The following UBTF variants were observed in gnomAD, a reference collection of about 807,000 sequenced individuals.
UBTF encodes upstream binding transcription factor.
In UBTF, 8 loss-of-function variants were observed where a neutral mutation model predicts 112.3. That is an observed-to-expected ratio of 0.07 (90% CI 0.04 to 0.13). The LOEUF is 0.13. Ranked by LOEUF, UBTF falls within the 10% of genes least tolerant of loss-of-function variation. The probability of loss-of-function intolerance (pLI) is 1.00; values close to 1 mark genes in which losing one functional copy is unlikely to be tolerated. For missense variants in UBTF, 457 were observed against 982.1 expected (o/e 0.47, Z 7.15); for synonymous variants, 417 against 373.1 (o/e 1.12, Z -1.36).
At chr17:44,217,190 A>G (rs150749143) in intron 2 of UBTF, among the ~76,000 whole-genome samples, 1 of 152,220 alleles carries the variant, frequency 6.6e-6, no homozygotes, top group Non-Finnish European at 1.5e-5. Context: ...AGGAAAATCC[A>G]TGCAGATGTC....
In UBTF at chr17:44,216,849, T is replaced by C. The variant is rs1598264482; in HGVS notation, c.59-145A>G. On this transcript the variant is annotated intron_variant, in intron 2 of 20. Coordinates refer to ENST00000436088, the MANE Select transcript of UBTF (RefSeq NM_014233.4). The stretch of plus-strand genomic sequence containing the variant: ...TCTGAAGGCACAGACAAGATATGGC[T>C]CAGCCCTAAGGAAACTGTGGCCATA... The C allele has an allele frequency of 1.2e-5, 9 of 759,932 alleles. No homozygotes were observed. The East Asian group carries it at 2.3e-4, about 19-fold the overall frequency. The allele number at this position is 759,932 out of a possible 1,614,324, so 47.1% of individuals were successfully genotyped here.
intron 17 of UBTF, 195 bp downstream of exon 17, chr17:44,209,157 A>C: frequency 1.1e-5 from 6 of 533,974 alleles, no homozygotes; most frequent in East Asian, 3.5e-5. Flanking sequence ...CAGGAGAGCA[A>C]GACTGTCTCA....
At chr17:44,209,891 G>A (rs1332875910) in intron 15 of UBTF, among the ~76,000 whole-genome samples, 158 bp from the exon 16 acceptor site, 1 of 152,210 alleles carries the variant, frequency 6.6e-6, no homozygotes, top group Non-Finnish European at 1.5e-5. Flanking sequence ...GCTCACGTCT[G>A]AGGCAGGCAC....
In UBTF at chr17:44,211,793, G is replaced by T. The variant is rs763039429; in HGVS notation, c.906-46C>A. On this transcript the variant is annotated intron_variant, in intron 9 of 20. Transcript: ENST00000436088. The surrounding 1 kb of genome is among the most constrained non-coding windows in gnomAD (Gnocchi z 4.9). ...GAGGTGCAGCCCGTAAGCGAGCAGG[G>T]CAGCAGGCCTTCTCACCTGCAGAGC... The T allele has an allele frequency of 2.0e-4, 312 of 1,599,890 alleles. No individual in the cohort carries two copies. The highest frequency in any genetic ancestry group is 2.6e-4 in the Non-Finnish European group (305 of 1,174,742).
rs772852316 is a variant in UBTF, at chr17:44,209,625, A to G, written c.1715+20T>C. ...TGACCCTCCCCGACCTCCAGGGCAG[A>G]CTCCAACCCCCAGGCTCACATGGGA... is the stretch of plus-strand genomic sequence containing the variant. On this transcript the variant is annotated intron_variant, in intron 16 of 20. Coordinates refer to ENST00000436088, the MANE Select transcript of UBTF (RefSeq NM_014233.4). 6.2e-7 allele frequency: 1 copy of G among 1,613,942 alleles called. No individual in the cohort carries two copies. Among genetic ancestry groups the G allele is most frequent in the South Asian group, 1.1e-5 (1 of 91,080 alleles).
chr17:44,212,570 T>A lies in UBTF; in HGVS notation c.661-116A>T, dbSNP rs929509056. Reference sequence around the variant, plus strand: ...CAGGCCATGGGAGGTCACATCAGTGTCCCCCACAGGCCAGGAGGGGAAGGC... The same window carrying A: ...CAGGCCATGGGAGGTCACATCAGTGACCCCCACAGGCCAGGAGGGGAAGGC... On this transcript the variant is annotated intron_variant, in intron 7 of 20. Coordinates refer to ENST00000436088, the MANE Select transcript of UBTF (RefSeq NM_014233.4). The A allele has an allele frequency of 1.8e-5, 19 of 1,031,682 alleles. No homozygotes were observed. The Admixed American group carries it at 4.7e-4, about 25-fold the overall frequency. The allele number at this position is 1,031,682 out of a possible 1,614,324, so 63.9% of individuals were successfully genotyped here. A position where few individuals can be genotyped will look rare whatever the true frequency, so the allele number is the denominator to read the frequency against.
chr17:44,217,452 A>G (rs1319567529), intron 2 of UBTF, among the ~76,000 whole-genome samples: 1 of 152,126 alleles, frequency 6.6e-6, no homozygotes, highest in Non-Finnish European at 1.5e-5. Flanking sequence ...TGGAACAGTT[A>G]TTTTTCAGCC....
chr17:44,206,492 CAT>C lies in UBTF; in HGVS notation c.*748_*749del, dbSNP rs1484506479. The C allele has an allele frequency of 6.6e-6, 1 of 151,574 alleles. No individual in the cohort carries two copies. The highest frequency in any genetic ancestry group is 2.4e-5 in the African/African-American group (1 of 40,896). The allele number at this position is 151,574 out of a possible 1,614,324, so 9.4% of individuals were successfully genotyped here. On this transcript the variant is annotated 3_prime_UTR_variant, in exon 21 of 21. Transcript: ENST00000436088. ...TGCTATGTACAGGAACACACATACA[CAT>C]ACTCTCTTCCACATACATCAAGACC... is the stretch of plus-strand genomic sequence containing the variant.
chr17:44,208,092 AT>A lies in UBTF; in HGVS notation c.1906-182del, dbSNP rs57107684. Among the ~76,000 whole-genome samples the A allele has an allele frequency of 0.021, 2,454 of 117,482 alleles. 22 individuals are homozygous for A. The highest frequency in any genetic ancestry group is 0.069 in the African/African-American group (2,063 of 30,044). The allele number at this position is 117,482 out of a possible 152,430, so 77.1% of individuals were successfully genotyped here. A position where few individuals can be genotyped will look rare whatever the true frequency, so the allele number is the denominator to read the frequency against. On this transcript the variant is annotated intron_variant, in intron 17 of 20. Coordinates refer to ENST00000436088, the MANE Select transcript of UBTF (RefSeq NM_014233.4). Reference sequence around the variant, plus strand: ...CCTGGGATCTGAGAACACAGCTCTAATTTTTTTTTTTTTTTTTTTTTTTTTT... The same window carrying A: ...CCTGGGATCTGAGAACACAGCTCTAATTTTTTTTTTTTTTTTTTTTTTTTT...
Position 44,209,516 on chromosome 17 carries a change from C to G in UBTF, c.1741G>C (p.Glu581Gln). The G allele has an allele frequency of 6.2e-7, 1 of 1,612,164 alleles. No individual in the cohort carries two copies. The highest frequency in any genetic ancestry group is 8.5e-7 in the Non-Finnish European group (1 of 1,178,382). ...PMNGYQKFSQ[E>Q]LLSNGELNHL... Reference sequence around the variant, plus strand: ...TTCAGCTCCCCATTGGACAGCAGCTCCTGGGAGAACTTCTGGTAACCGTTC... The same window carrying G: ...TTCAGCTCCCCATTGGACAGCAGCTGCTGGGAGAACTTCTGGTAACCGTTC... Residue 581 changes from glutamate (E) to glutamine (Q), a missense_variant, in exon 17 of 21, where the codon GAG (glutamate) becomes CAG (glutamine). By Grantham distance (29) the Glu-to-Gln change is conservative (BLOSUM62 2). Coordinates refer to ENST00000436088, the MANE Select transcript of UBTF (RefSeq NM_014233.4).
chr17:44,207,422 C>G, intron 20 of UBTF, 32 bp downstream of exon 20: 1 of 1,612,070 alleles, frequency 6.2e-7, no homozygotes, highest in Non-Finnish European at 8.5e-7. Context: ...GCAGGACTCC[C>G]CTCCCCTCCC....
upstream of UBTF, chr17:44,221,098 ATTTTT>A (rs5820527): frequency 1.3e-5 from 2 of 148,908 alleles, no homozygotes; most frequent in African/African-American, 2.4e-5. Flanking sequence ...CACAAAAAAA[ATTTTT>A]TTTTTTTAAA....
At chr17:44,216,111 G>A in intron 3 of UBTF, 122 bp from the exon 4 acceptor site, 1 of 817,872 alleles carries the variant, frequency 1.2e-6, no homozygotes, top group Non-Finnish European at 2.0e-6. Context: ...CCAAAGAAGA[G>A]CAGAGGCCAA....
At position 44,216,628 on chromosome 17, in the gene UBTF, C is replaced by T; in HGVS notation, c.135G>A (p.Lys45=). ...CCATGTGTGATTCGGTGGTTTTGAA[C>T]TTGGAGCTGTCATTGGATGGAAGGT... is the stretch of plus-strand genomic sequence containing the variant. The part of the protein sequence containing the change: ...KNNLPSNDSS[K]FKTTESHMDW... The change falls in exon 3 of 21, where the codon AAG becomes AAA. Residue 45 remains lysine (K), a synonymous_variant. Transcript: ENST00000436088. 2 of 1,614,092 alleles carry T rather than the reference C, an allele frequency of 1.2e-6. No individual in the cohort carries two copies. The highest frequency in any genetic ancestry group is 1.7e-6 in the Non-Finnish European group (2 of 1,180,010).
chr17:44,215,502 A>C (rs2046804476), intron 5 of UBTF, 152 bp downstream of exon 5: 2 of 923,026 alleles, frequency 2.2e-6, no homozygotes, highest in Admixed American at 4.9e-5. Flanking sequence ...GGAAGGGGCA[A>C]TCAGGTGTGG....
In UBTF at chr17:44,210,342, G is replaced by A. The variant is rs1243555414; in HGVS notation, c.1491C>T (p.Ile497=). ...RAEEIWQQSV[I]GDYLARFKND... The stretch of plus-strand genomic sequence containing the variant: ...CCTTGAAGCGGGCCAGGTAGTCGCC[G>A]ATAACGCTCTGTTGCCAGATCTCCT... The change falls in exon 14 of 21, where the codon ATC becomes ATT. Residue 497 remains isoleucine, a synonymous_variant. Transcript: ENST00000436088. 6.2e-7 allele frequency: 1 copy of A among 1,614,224 alleles called. No homozygotes were observed.
At chr17:44,214,859 GTCTCT>G (rs969919328) in intron 5 of UBTF, among the ~76,000 whole-genome samples, 3 of 152,118 alleles carry the variant, frequency 2.0e-5, no homozygotes, top group African/African-American at 7.2e-5. Context: ...CTTGTCCCGT[GTCTCT>G]TCTTTGTGTC....
intron 5 of UBTF, among the ~76,000 whole-genome samples, chr17:44,214,678 A>AT (rs1207340509): frequency 6.6e-6 from 1 of 152,166 alleles, no homozygotes; most frequent in African/African-American, 2.4e-5. Context: ...CACCAAGGGC[A>AT]TGTGAGTCTG....
intron 2 of UBTF, among the ~76,000 whole-genome samples, chr17:44,217,074 G>A (rs908355060): frequency 6.6e-6 from 1 of 152,236 alleles, no homozygotes; most frequent in African/African-American, 2.4e-5. Context: ...TAGCTTGTCA[G>A]AGAAGGAGGG....
Sources: gnomAD v4.1 joint callset for allele counts (sites outside exome capture counted in the v4.1 genomes callset) on GRCh38, gnomAD v4.1.1 for gene constraint, Gnocchi (gnomAD v3.1) non-coding constraint, MANE v1.5 for transcripts, NCBI Gene and HGNC (gene_info 2026-07-23, HGNC 2026-07-21) for gene names.